The following ADAMTS20 variants were observed in gnomAD, a reference collection of about 807,000 sequenced individuals.
ADAMTS20 encodes the protein A disintegrin and metalloproteinase with thrombospondin motifs 20.
Under a neutral mutation model 260.1 loss-of-function variants are expected in ADAMTS20, and 225 were observed. The ratio of observed to expected loss-of-function variants is 0.87; its 90% CI spans 0.78 to 0.97. ADAMTS20 has a LOEUF of 0.97. Ranked by LOEUF, ADAMTS20 falls within the 50% of genes least tolerant of loss-of-function variation. The probability of loss-of-function intolerance (pLI) is 0.00; values close to 1 mark genes in which losing one functional copy is unlikely to be tolerated. For missense variants in ADAMTS20, 2,400 were observed against 2,337.7 expected (o/e 1.03, Z -0.55); for synonymous variants, 802 against 769.5 (o/e 1.04, Z -0.70).
At chr12:43,519,684 C>T (rs114914510) in intron 3 of ADAMTS20, among the ~76,000 whole-genome samples, 2,285 of 152,230 alleles carry the variant, frequency 0.015, 53 homozygotes, top group African/African-American at 0.051. Context: ...CACACCTACC[C>T]CATGGTAAGA....
intron 37 of ADAMTS20, among the ~76,000 whole-genome samples, chr12:43,364,391 G>C (rs1451799173): frequency 6.6e-6 from 1 of 152,108 alleles, no homozygotes; most frequent in Non-Finnish European, 1.5e-5. Context: ...TCAGATGTCA[G>C]ACTAAGCTGA....
chr12:43,481,357 A>G (rs1333685421), intron 7 of ADAMTS20, among the ~76,000 whole-genome samples: 1 of 152,224 alleles, frequency 6.6e-6, no homozygotes, highest in Non-Finnish European at 1.5e-5. Context: ...AAAGACTCAG[A>G]AAACAAGGAT....
intron 2 of ADAMTS20, among the ~76,000 whole-genome samples, chr12:43,544,341 G>A (rs61925192): frequency 0.12 from 18,309 of 152,164 alleles, 1,452 homozygotes; most frequent in East Asian, 0.3. Flanking sequence ...TAAATATTTG[G>A]CATATATAAA....
At chr12:43,363,197 A>G (rs1939911570) in intron 37 of ADAMTS20, among the ~76,000 whole-genome samples, 1 of 152,080 alleles carries the variant, frequency 6.6e-6, no homozygotes, top group South Asian at 2.1e-4. Context: ...AGTTAAGGAT[A>G]CAGGACTCCA....
At chr12:43,465,483 G>A (rs187346655) in intron 9 of ADAMTS20, among the ~76,000 whole-genome samples, 1 of 152,160 alleles carries the variant, frequency 6.6e-6, no homozygotes, top group Admixed American at 6.5e-5. Context: ...GCAATGTCCG[G>A]TATGCAGAAA....
intron 16 of ADAMTS20, among the ~76,000 whole-genome samples, chr12:43,440,321 G>A (rs1244007493): frequency 6.6e-6 from 1 of 151,900 alleles, no homozygotes; most frequent in African/African-American, 2.4e-5. Flanking sequence ...GCTAATTTTT[G>A]TATTTTTAGT....
intron 16 of ADAMTS20, 55 bp from the exon 17 acceptor site, chr12:43,440,124 A>G (rs61925145): frequency 0.042 from 53,316 of 1,282,252 alleles, 1,385 homozygotes; most frequent in Non-Finnish European, 0.048. Context: ...AACAATACAG[A>G]AAACACTTGT....
chr12:43,425,923 T>C (rs1462645217), intron 27 of ADAMTS20, among the ~76,000 whole-genome samples: 1 of 152,146 alleles, frequency 6.6e-6, no homozygotes, highest in Non-Finnish European at 1.5e-5. Context: ...ATTCCACGAC[T>C]TTAAAAATTG....
At position 43,375,450 on chromosome 12, in the gene ADAMTS20, T is replaced by A; in HGVS notation, c.5375A>T (p.Asn1792Ile). The A allele has an allele frequency of 1.2e-6, 2 of 1,613,476 alleles. No homozygotes were observed. Among genetic ancestry groups the A allele is most frequent in the Admixed American group, 3.3e-5 (2 of 60,016 alleles). ...GSRREDCECD[N>I]GHLAAGYTVF... ...AGTGTATCCAGCAGCTAAGTGTCCA[T>A]TGTCACATTCACAGTCTTCCCTTCT... is the stretch of plus-strand genomic sequence containing the variant. The change falls in exon 36 of 39, where the codon AAT becomes ATT. Residue 1792 changes from asparagine (N) to isoleucine (I), a missense_variant. By Grantham distance (149) the Asn-to-Ile change is moderately radical. Transcript: ENST00000389420.
chr12:43,517,587 A>G (rs1055747266), intron 3 of ADAMTS20, among the ~76,000 whole-genome samples: 1 of 152,096 alleles, frequency 6.6e-6, no homozygotes, highest in East Asian at 1.9e-4. Flanking sequence ...TAGAAAACAC[A>G]ATATTATAAA....
chr12:43,389,056 C>T (rs1940543767), intron 29 of ADAMTS20, among the ~76,000 whole-genome samples: 1 of 152,198 alleles, frequency 6.6e-6, no homozygotes. Context: ...TTCAGATCAT[C>T]CCATTCTTTC....
Position 43,481,901 on chromosome 12 carries a change from G to A in ADAMTS20, c.1117+8494C>T, listed in dbSNP as rs79282862. ...ACAGACCCTTTGAAGGAAGCAATGG[G>A]CAACAGCCTACATCATGAACCAGAC... On this transcript the variant is annotated intron_variant, in intron 7 of 38. Transcript: ENST00000389420. Among the ~76,000 whole-genome samples, 34 of 152,180 alleles carry A rather than the reference G, an allele frequency of 2.2e-4. 1 individual carries two copies. The East Asian group carries it at 6.4e-3, about 29-fold the overall frequency.
chr12:43,381,631 AAAAGCT>A (rs1357257520), intron 31 of ADAMTS20, among the ~76,000 whole-genome samples: 1 of 151,108 alleles, frequency 6.6e-6, no homozygotes, highest in Non-Finnish European at 1.5e-5. Context: ...AAAAAAAAAA[AAAAGCT>A]AGAGATGGTG....
chr12:43,457,082 TA>T (rs1020641386), intron 11 of ADAMTS20, among the ~76,000 whole-genome samples: 2 of 152,210 alleles, frequency 1.3e-5, no homozygotes, highest in African/African-American at 4.8e-5. Context: ...AGGACACCAA[TA>T]GCCAGTTCTT....
intron 2 of ADAMTS20, among the ~76,000 whole-genome samples, chr12:43,537,594 AC>A (rs1943314710): frequency 6.6e-6 from 1 of 152,098 alleles, no homozygotes; most frequent in Non-Finnish European, 1.5e-5. Context: ...CACCTGTTGT[AC>A]TAGCAAATAG....
intron 7 of ADAMTS20, among the ~76,000 whole-genome samples, chr12:43,489,127 C>A (rs949774283): frequency 1.3e-5 from 2 of 149,254 alleles, no homozygotes; most frequent in South Asian, 2.1e-4. Context: ...AAAAATTACC[C>A]CAATGGATTA....
chr12:43,537,555 T>C (rs1420966772), intron 2 of ADAMTS20, among the ~76,000 whole-genome samples: 2 of 152,150 alleles, frequency 1.3e-5, no homozygotes, highest in African/African-American at 2.4e-5. Flanking sequence ...TATTTTAAAA[T>C]ATACAATTAA....
chr12:43,465,810 T>C (rs1174581279), intron 9 of ADAMTS20, among the ~76,000 whole-genome samples: 5 of 152,052 alleles, frequency 3.3e-5, no homozygotes, highest in Non-Finnish European at 7.4e-5. Context: ...CCTATAGAAG[T>C]ATGTACTATC....
intron 28 of ADAMTS20, among the ~76,000 whole-genome samples, chr12:43,422,433 T>C (rs1185377537): frequency 6.6e-6 from 1 of 151,908 alleles, no homozygotes; most frequent in African/African-American, 2.4e-5. Context: ...GCACCAACAC[T>C]GAAAGAGGTA....
Sources: gnomAD v4.1 joint callset for allele counts (sites outside exome capture counted in the v4.1 genomes callset) on GRCh38, gnomAD v4.1.1 for gene constraint, MANE v1.5 for transcripts, NCBI Gene and HGNC (gene_info 2026-07-23, HGNC 2026-07-21) for gene names.